STK3: variants seen among roughly 807,000 people sequenced by gnomAD.
The protein encoded by STK3 is serine/threonine-protein kinase 3.
In STK3, 41 loss-of-function variants were observed where a neutral mutation model predicts 58.0. The observed-to-expected ratio is 0.71, with a 90% CI of 0.55 to 0.92. The LOEUF (loss-of-function observed/expected upper bound fraction) is 0.92, where lower values mean the gene tolerates loss of function less well. STK3 is among the 40% of genes least tolerant of loss of function. The probability of loss-of-function intolerance (pLI) is 0.00; values close to 1 mark genes in which losing one functional copy is unlikely to be tolerated. For missense variants in STK3, 479 were observed against 602.7 expected (o/e 0.79, Z 2.15); for synonymous variants, 170 against 191.0 (o/e 0.89, Z 0.91).
At chr8:98,919,458 T>TA (rs921027099) in intron 1 of STK3, among the ~76,000 whole-genome samples, 7 of 151,232 alleles carry the variant, frequency 4.6e-5, no homozygotes, top group East Asian at 3.9e-4. Flanking sequence ...ATCTGAGGTT[T>TA]AAAAAAAAAT....
intron 8 of STK3, among the ~76,000 whole-genome samples, chr8:98,561,316 AG>A (rs1563741106): frequency 1.3e-5 from 2 of 151,868 alleles, no homozygotes; most frequent in Admixed American, 6.6e-5. Flanking sequence ...AAAAAAAAAA[AG>A]GACCCAGATA....
chr8:98,594,147 A>G (rs1334222328), intron 7 of STK3, among the ~76,000 whole-genome samples: 1 of 152,156 alleles, frequency 6.6e-6, no homozygotes, highest in Non-Finnish European at 1.5e-5. Context: ...TCTCTACGAA[A>G]CAGACAAAAG....
intron 4 of STK3, among the ~76,000 whole-genome samples, chr8:98,742,937 C>T (rs1161093696): frequency 1.3e-5 from 2 of 151,618 alleles, no homozygotes; most frequent in African/African-American, 2.4e-5. Flanking sequence ...ACACCAATAA[C>T]AGACAAACAG....
intron 3 of STK3, among the ~76,000 whole-genome samples, chr8:98,408,066 TGGCAGGGCAG>T (rs1818017115): frequency 1.3e-5 from 2 of 152,216 alleles, no homozygotes; most frequent in African/African-American, 2.4e-5. Context: ...AACTCACCAC[TGGCAGGGCAG>T]CTCCCCTGAG....
Position 98,379,552 on chromosome 8 carries a change from C to T in STK3, n.57-345G>A, listed in dbSNP as rs77777661. Among the ~76,000 whole-genome samples, 913 of 152,294 alleles carry T rather than the reference C, an allele frequency of 6.0e-3. 6 individuals are homozygous for T. Among genetic ancestry groups the T allele is most frequent in the African/African-American group, 0.021 (859 of 41,560 alleles). ...AATGACCTGTGGTGCAGCTTGGAATCCTCCCCAACCCCACTCCTTCTTCAA... is the reference window on the plus strand; with the variant it reads ...AATGACCTGTGGTGCAGCTTGGAATTCTCCCCAACCCCACTCCTTCTTCAA... On this transcript the variant is annotated intron_variant and non_coding_transcript_variant, in intron 1 of 2. Coordinates refer to the STK3 transcript ENST00000518704.
chr8:98,735,125 C>G (rs1196498216), intron 4 of STK3, among the ~76,000 whole-genome samples: 1 of 152,086 alleles, frequency 6.6e-6, no homozygotes, highest in Non-Finnish European at 1.5e-5. Flanking sequence ...CAAATTATAA[C>G]TTATCCACAA....
At chr8:98,402,975 C>G (rs971996663) in intron 3 of STK3, among the ~76,000 whole-genome samples, 1 of 152,110 alleles carries the variant, frequency 6.6e-6, no homozygotes, top group African/African-American at 2.4e-5. Flanking sequence ...CTGGGGAGGG[C>G]CTGACCTTTC....
intron 4 of STK3, among the ~76,000 whole-genome samples, chr8:98,738,893 C>A (rs1423826121): frequency 7.2e-5 from 11 of 152,256 alleles, no homozygotes; most frequent in Admixed American, 5.2e-4. Flanking sequence ...CACCCGAATA[C>A]TGCGCTTTTC....
At chr8:98,648,005 C>A (rs926039023) in intron 6 of STK3, among the ~76,000 whole-genome samples, 1 of 152,136 alleles carries the variant, frequency 6.6e-6, no homozygotes, top group African/African-American at 2.4e-5. Context: ...TATTCAAATA[C>A]AAGCCTATAA....
intron 8 of STK3, among the ~76,000 whole-genome samples, chr8:98,568,063 T>TGATTGATAGATA (rs373444890): frequency 6.8e-6 from 1 of 146,466 alleles, no homozygotes; most frequent in Admixed American, 6.9e-5. Context: ...CTTAGATAGA[T>TGATTGATAGATA]GATAGATAGA....
chr8:98,644,636 A>G (rs1025818098), intron 6 of STK3, among the ~76,000 whole-genome samples: 3 of 152,126 alleles, frequency 2.0e-5, no homozygotes, highest in African/African-American at 7.2e-5. Context: ...ACTATTATCC[A>G]AAACTATTTA....
downstream of STK3, among the ~76,000 whole-genome samples, chr8:98,450,958 A>G (rs1819170944): frequency 6.6e-6 from 1 of 152,206 alleles, no homozygotes; most frequent in Non-Finnish European, 1.5e-5. Flanking sequence ...TGGGAGTGTA[A>G]GGCCACTACT....
At chr8:98,696,086 T>C (rs1203080256) in intron 6 of STK3, among the ~76,000 whole-genome samples, 3 of 152,170 alleles carry the variant, frequency 2.0e-5, no homozygotes, top group African/African-American at 7.2e-5. Context: ...TCATGTCCCT[T>C]GTAAGTTGGA....
chr8:98,350,204 G>T, the STK3 span, among the ~76,000 whole-genome samples: 5 of 152,082 alleles, frequency 3.3e-5, no homozygotes, highest in African/African-American at 1.2e-4. Flanking sequence ...CAAGTTCAAA[G>T]TTCCACAAAT....
chr8:98,446,927 G>A (rs1818975570), intron 1 of STK3, among the ~76,000 whole-genome samples: 1 of 152,230 alleles, frequency 6.6e-6, no homozygotes, highest in South Asian at 2.1e-4. Context: ...ATGAGATAAT[G>A]TCTTTTGTGA....
intron 3 of STK3, among the ~76,000 whole-genome samples, chr8:98,850,770 C>T (rs899973017): frequency 3.3e-5 from 5 of 152,174 alleles, no homozygotes; most frequent in African/African-American, 1.2e-4. Context: ...TCATCAACCA[C>T]ACCTGTGTGC....
chr8:98,353,089 C>T, the STK3 span, among the ~76,000 whole-genome samples: 1 of 152,188 alleles, frequency 6.6e-6, no homozygotes, highest in Non-Finnish European at 1.5e-5. Flanking sequence ...TCTTTGCTTT[C>T]TGATGATTCA....
At chr8:98,682,469 C>T (rs775875412) in intron 6 of STK3, among the ~76,000 whole-genome samples, 3 of 152,086 alleles carry the variant, frequency 2.0e-5, no homozygotes, top group African/African-American at 7.2e-5. Context: ...AGTCACTTAC[C>T]GAAATGCTTA....
the STK3 span, among the ~76,000 whole-genome samples, chr8:98,346,147 T>A: frequency 6.6e-6 from 1 of 151,830 alleles, no homozygotes; most frequent in African/African-American, 2.4e-5. Flanking sequence ...TAGCCAGGCA[T>A]GATCTTGGGT....
Sources: allele counts gnomAD v4.1 joint callset (sites outside exome capture counted in the v4.1 genomes callset), GRCh38; gene constraint gnomAD v4.1.1; transcripts MANE v1.5; gene names NCBI Gene and HGNC (gene_info 2026-07-23, HGNC 2026-07-21).